The following FGF12 variants were observed in gnomAD, a reference collection of about 807,000 sequenced individuals.
FGF12 encodes the protein fibroblast growth factor 12.
A neutral mutation model predicts 23.6 loss-of-function variants in FGF12; 14 were observed. That is an observed-to-expected ratio of 0.59 (90% CI 0.39 to 0.93). The LOEUF (loss-of-function observed/expected upper bound fraction) is 0.93. Ranked by LOEUF, FGF12 falls within the 40% of genes least tolerant of loss-of-function variation. The pLI, the probability that FGF12 is intolerant of heterozygous loss-of-function variation, is 0.00. For synonymous variants in FGF12, 62 were observed against 77.3 expected (o/e 0.80, Z 1.04); for missense variants, 175 against 217.8 (o/e 0.80, Z 1.24).
chr3:192,426,769 A>G (rs1721699643), intron 2 of FGF12, among the ~76,000 whole-genome samples: 1 of 152,220 alleles, frequency 6.6e-6, no homozygotes, highest in Non-Finnish European at 1.5e-5. Context: ...CACTTACATA[A>G]GTAGTATCAG....
chr3:192,198,562 T>C (rs759142996), intron 4 of FGF12, among the ~76,000 whole-genome samples: 1 of 152,212 alleles, frequency 6.6e-6, no homozygotes, highest in African/African-American at 2.4e-5. Context: ...TTTCTATATC[T>C]GTTCTCTAGG....
intron 4 of FGF12, among the ~76,000 whole-genome samples, chr3:192,206,493 A>G (rs538833128): frequency 6.6e-6 from 1 of 152,210 alleles, no homozygotes; most frequent in Non-Finnish European, 1.5e-5. Flanking sequence ...ATAGGTTCAT[A>G]TTTATATCCA....
chr3:192,537,416 C>A (rs1725249740), intron 2 of FGF12, among the ~76,000 whole-genome samples: 1 of 152,110 alleles, frequency 6.6e-6, no homozygotes, highest in African/African-American at 2.4e-5. Context: ...TACATTCCCA[C>A]CAAGAGTGTA....
At chr3:192,382,090 G>C (rs183932450) in intron 2 of FGF12, among the ~76,000 whole-genome samples, 4 of 151,706 alleles carry the variant, frequency 2.6e-5, no homozygotes, top group Admixed American at 1.3e-4. Flanking sequence ...TCCACCTTCC[G>C]GGTTCAAGCC....
At chr3:192,603,024 A>G (rs1183874226) in intron 2 of FGF12, among the ~76,000 whole-genome samples, 1 of 152,130 alleles carries the variant, frequency 6.6e-6, no homozygotes, top group African/African-American at 2.4e-5. Flanking sequence ...TAGGCATCAA[A>G]GGAACATATC....
At chr3:192,180,490 T>C (rs540935636) in intron 4 of FGF12, among the ~76,000 whole-genome samples, 2 of 152,298 alleles carry the variant, frequency 1.3e-5, no homozygotes, top group African/African-American at 2.4e-5. Flanking sequence ...AGGAAAATCA[T>C]GGCAAGATAT....
rs1713352178 is a variant in FGF12 at position 192,141,127 on chromosome 3, CCAAAAAAAAAA to C, written c.*2871_*2881del. The stretch of plus-strand genomic sequence containing the variant: ...TCCTGGGAAAAATCCCAATGCAACT[CCAAAAAAAAAA>C]AAAAAAAAAAAAAAAAGCTTATTTT... On this transcript the variant is annotated 3_prime_UTR_variant, in exon 6 of 6. Transcript: ENST00000445105. 1 of 21,830 alleles carries C rather than the reference CCAAAAAAAAAA, an allele frequency of 4.6e-5. No individual in the cohort carries two copies. Among genetic ancestry groups the C allele is most frequent in the Admixed American group, 7.2e-4 (1 of 1,398 alleles). 1.4% of individuals were successfully genotyped at this position (21,830 alleles called of 1,614,324 possible).
At chr3:192,654,636 G>A (rs1324200027) in intron 2 of FGF12, among the ~76,000 whole-genome samples, 6 of 152,312 alleles carry the variant, frequency 3.9e-5, no homozygotes, top group African/African-American at 1.4e-4. Context: ...GAGGCTTACA[G>A]TGATTGAGGA....
At chr3:192,724,934 C>CT (rs1719161546) in intron 2 of FGF12, among the ~76,000 whole-genome samples, 2 of 152,108 alleles carry the variant, frequency 1.3e-5, no homozygotes, top group Admixed American at 1.3e-4. Context: ...CAATATGACT[C>CT]TATCTTTAAA....
At position 192,609,874 on chromosome 3, in the gene FGF12, G is replaced by A. The variant is rs893056327; in HGVS notation, c.13+117307C>T. 7.2e-5 allele frequency among the ~76,000 whole-genome samples: 11 copies of A among 152,136 alleles called. No homozygotes were observed. In the South Asian group the frequency reaches 2.1e-3, roughly 29 times the overall value. On this transcript the variant is annotated intron_variant, in intron 2 of 5. Transcript: ENST00000445105. Reference sequence around the variant, plus strand: ...CTCACTTGACTTGGTTCAAACAGACGTAGAACTTTGTCAGACCATGTCAGC... The same window carrying A: ...CTCACTTGACTTGGTTCAAACAGACATAGAACTTTGTCAGACCATGTCAGC...
chr3:192,389,978 C>T (rs185194482), intron 2 of FGF12, among the ~76,000 whole-genome samples: 5 of 152,154 alleles, frequency 3.3e-5, no homozygotes, highest in East Asian at 1.9e-4. Context: ...AAAGAAAAAG[C>T]TGTCCTGTAG....
intron 4 of FGF12, among the ~76,000 whole-genome samples, chr3:192,222,066 G>T (rs1320367630): frequency 6.6e-6 from 1 of 152,092 alleles, no homozygotes; most frequent in East Asian, 1.9e-4. Context: ...CATGTATTCA[G>T]ATACTATCCA....
At chr3:192,552,557 G>A (rs1313696314) in intron 2 of FGF12, among the ~76,000 whole-genome samples, 1 of 152,000 alleles carries the variant, frequency 6.6e-6, no homozygotes. Context: ...TCATATGAAG[G>A]GAAAAAAGAT....
At chr3:192,675,616 G>T (rs1027084296) in intron 2 of FGF12, among the ~76,000 whole-genome samples, 1 of 152,132 alleles carries the variant, frequency 6.6e-6, no homozygotes, top group Non-Finnish European at 1.5e-5. Context: ...TTTTATGCCT[G>T]TCTTATAGAT....
At chr3:192,407,947 C>T (rs1444570777) in intron 2 of FGF12, 2 of 1,446,022 alleles carry the variant, frequency 1.4e-6, no homozygotes, top group African/African-American at 1.4e-5. Context: ...TTCCCTTCCA[C>T]GGGGGTCCCG....
At chr3:192,537,766 T>C (rs192721980) in intron 2 of FGF12, among the ~76,000 whole-genome samples, 2 of 152,316 alleles carry the variant, frequency 1.3e-5, no homozygotes, top group Admixed American at 6.5e-5. Flanking sequence ...TTGTTGATTG[T>C]ATCCTTCACT....
At chr3:192,564,004 C>T (rs556605504) in intron 2 of FGF12, among the ~76,000 whole-genome samples, 2 of 152,058 alleles carry the variant, frequency 1.3e-5, no homozygotes, top group Admixed American at 6.5e-5. Flanking sequence ...TAGGAGGCAC[C>T]AAGGCTTAAA....
chr3:192,567,771 T>TTCTA (rs1173638915), intron 2 of FGF12, among the ~76,000 whole-genome samples: 1 of 134,414 alleles, frequency 7.4e-6, no homozygotes, highest in Non-Finnish European at 1.7e-5. Flanking sequence ...CTTTCTTTCT[T>TTCTA]TCTTTCTTTC....
chr3:192,397,166 G>C (rs1720559503), intron 2 of FGF12, among the ~76,000 whole-genome samples: 1 of 152,282 alleles, frequency 6.6e-6, no homozygotes, highest in South Asian at 2.1e-4. Flanking sequence ...AGGTGGAGAG[G>C]GAGGAGTAGA....
Sources: allele counts gnomAD v4.1 joint callset (sites outside exome capture counted in the v4.1 genomes callset), GRCh38; gene constraint gnomAD v4.1.1; transcripts MANE v1.5; gene names NCBI Gene and HGNC (gene_info 2026-07-23, HGNC 2026-07-21).